The following UNC13C variants were observed in gnomAD, a reference collection of about 807,000 sequenced individuals.
UNC13C encodes the protein unc-13 homolog C.
In UNC13C, 174 loss-of-function variants were observed where a neutral mutation model predicts 245.4. The observed-to-expected ratio is 0.71, with a 90% CI of 0.63 to 0.80. UNC13C has a LOEUF of 0.80. Among genes scored for constraint, UNC13C ranks in the 30% least tolerant of loss-of-function variants. The probability of loss-of-function intolerance (pLI) is 0.00; values close to 1 mark genes in which losing one functional copy is unlikely to be tolerated. For synonymous variants in UNC13C, 992 were observed against 895.1 expected (o/e 1.11, Z -1.93); for missense variants, 2,829 against 2,602.9 (o/e 1.09, Z -1.89).
chr15:54,271,310 A>G (rs2036682400), intron 10 of UNC13C, among the ~76,000 whole-genome samples: 1 of 152,242 alleles, frequency 6.6e-6, no homozygotes, highest in Admixed American at 6.5e-5. Flanking sequence ...ATAAAGTGTC[A>G]TATAAATCTA....
intron 2 of UNC13C, 139 bp from the exon 3 acceptor site, chr15:54,142,879 G>A (rs909707527): frequency 4.2e-6 from 3 of 706,186 alleles, no homozygotes; most frequent in African/African-American, 3.5e-5. Flanking sequence ...TGTACCCTTG[G>A]GCTCAACCTT....
intron 2 of UNC13C, among the ~76,000 whole-genome samples, chr15:54,134,244 T>C (rs2141220562): frequency 6.7e-6 from 1 of 149,988 alleles, no homozygotes; most frequent in South Asian, 2.1e-4. Flanking sequence ...TGGCAACTAC[T>C]GTTCTACTCT....
chr15:54,479,111 T>A (rs1172638086), intron 19 of UNC13C, among the ~76,000 whole-genome samples: 3 of 152,082 alleles, frequency 2.0e-5, no homozygotes, highest in Non-Finnish European at 4.4e-5. Context: ...TGGCTATAAA[T>A]CCTTGAATAT....
intron 19 of UNC13C, among the ~76,000 whole-genome samples, chr15:54,490,199 T>A (rs1215576298): frequency 6.6e-6 from 1 of 152,198 alleles, no homozygotes; most frequent in African/African-American, 2.4e-5. Flanking sequence ...TACTTAGAGT[T>A]ATCATAGCAG....
chr15:53,879,390 T>C, the UNC13C span, among the ~76,000 whole-genome samples: 99 of 152,238 alleles, frequency 6.5e-4, no homozygotes, highest in African/African-American at 2.3e-3. Flanking sequence ...CTGAAACTCC[T>C]GGGCTCCAGC....
chr15:54,299,744 C>G (rs2037527574), intron 12 of UNC13C, among the ~76,000 whole-genome samples: 1 of 152,122 alleles, frequency 6.6e-6, no homozygotes, highest in Non-Finnish European at 1.5e-5. Context: ...CCAGTGACAC[C>G]TCTAACTAAC....
intron 19 of UNC13C, among the ~76,000 whole-genome samples, chr15:54,480,633 AT>A (rs1893055836): frequency 6.6e-6 from 1 of 151,656 alleles, no homozygotes; most frequent in African/African-American, 2.4e-5. Context: ...ATTCATTCGT[AT>A]TGTTTATCTG....
intron 17 of UNC13C, among the ~76,000 whole-genome samples, chr15:54,371,420 T>C (rs1596296345): frequency 1.3e-5 from 2 of 152,292 alleles, no homozygotes; most frequent in East Asian, 3.9e-4. Context: ...ATTCTTGCCA[T>C]CAACATTGCA....
the UNC13C span, among the ~76,000 whole-genome samples, chr15:53,958,665 G>T: frequency 0.38 from 57,812 of 151,982 alleles, 11,087 homozygotes; most frequent in Middle Eastern, 0.39. Context: ...TTTTTTAAAA[G>T]TATTTTATAT....
chr15:54,550,876 C>A (rs1043941448), intron 28 of UNC13C, among the ~76,000 whole-genome samples: 1 of 152,124 alleles, frequency 6.6e-6, no homozygotes, highest in Non-Finnish European at 1.5e-5. Context: ...CACATAAAAC[C>A]ATGAAGGTGA....
At chr15:54,509,952 C>CA (rs1566878578) in intron 23 of UNC13C, among the ~76,000 whole-genome samples, 1 of 152,134 alleles carries the variant, frequency 6.6e-6, no homozygotes. Context: ...GGGTCAATAG[C>CA]AATCCATGTC....
rs758570117 is a variant in UNC13C at position 54,015,432 on chromosome 15, G to T, written c.2529G>T (p.Glu843Asp). 1 of 1,613,636 alleles carries T rather than the reference G, an allele frequency of 6.2e-7. No homozygotes were observed. The highest frequency in any genetic ancestry group is 2.2e-5 in the East Asian group (1 of 44,860). Residue 843 changes from glutamate (E) to aspartate (D), a missense_variant, in exon 2 of 33, where the codon GAG becomes GAT. Physicochemically the swap from Glu to Asp is conservative, Grantham distance 45. Coordinates refer to ENST00000260323, the MANE Select transcript of UNC13C (RefSeq NM_001080534.3). ...CATTATCTCAATCAACTGCAAATGA[G>T]TCAAGTACCACACTTGACTCTGATG... is the stretch of plus-strand genomic sequence containing the variant. Reference protein sequence around the residue: ...FRTLSQSTANESSTTLDSDVY... With the variant: ...FRTLSQSTANDSSTTLDSDVY...
At chr15:53,849,595 T>C in the UNC13C span, among the ~76,000 whole-genome samples, 13 of 152,016 alleles carry the variant, frequency 8.6e-5, no homozygotes, top group Non-Finnish European at 1.8e-4. Flanking sequence ...ATATTTTTTC[T>C]TTTTTTTCCA....
the UNC13C span, among the ~76,000 whole-genome samples, chr15:53,905,380 TTTATA>T: frequency 7.1e-6 from 1 of 141,314 alleles, no homozygotes; most frequent in East Asian, 2.1e-4. Context: ...ATATATTACA[TTTATA>T]TTATATTACT....
intron 4 of UNC13C, among the ~76,000 whole-genome samples, chr15:54,219,029 T>C: frequency 6.6e-6 from 1 of 151,948 alleles, no homozygotes; most frequent in Non-Finnish European, 1.5e-5. Context: ...CTGCCCAAGG[T>C]AATTTATAGA....
intron 19 of UNC13C, among the ~76,000 whole-genome samples, chr15:54,441,999 A>G (rs1890553059): frequency 6.6e-6 from 1 of 151,992 alleles, no homozygotes; most frequent in African/African-American, 2.4e-5. Flanking sequence ...GTATAGAAAC[A>G]CTACTGCTTT....
At chr15:54,092,463 C>A (rs1595843066) in intron 2 of UNC13C, among the ~76,000 whole-genome samples, 1 of 152,114 alleles carries the variant, frequency 6.6e-6, no homozygotes, top group Non-Finnish European at 1.5e-5. Context: ...CATTCCATTT[C>A]TTCTCATAAC....
chr15:54,128,616 G>A (rs916820294), intron 2 of UNC13C, among the ~76,000 whole-genome samples: 4 of 152,228 alleles, frequency 2.6e-5, no homozygotes, highest in South Asian at 2.1e-4. Context: ...TTAAAATCTC[G>A]TGTTTTAGCA....
At chr15:53,896,683 A>G in the UNC13C span, among the ~76,000 whole-genome samples, 1 of 152,042 alleles carries the variant, frequency 6.6e-6, no homozygotes, top group Non-Finnish European at 1.5e-5. Flanking sequence ...AAAAGTATTC[A>G]TGTTTCTCAG....
Sources: allele counts gnomAD v4.1 joint callset (sites outside exome capture counted in the v4.1 genomes callset), GRCh38; gene constraint gnomAD v4.1.1; transcripts MANE v1.5; gene names NCBI Gene and HGNC (gene_info 2026-07-23, HGNC 2026-07-21).